The following SERPINB12 variants were observed in gnomAD, a reference collection of about 807,000 sequenced individuals.
SERPINB12 encodes serpin family B member 12.
SERPINB12 carries 57 observed loss-of-function variants against 41.1 expected under a neutral mutation model. The observed-to-expected ratio is 1.39, with a 90% CI of 1.12 to 1.73. The LOEUF is 1.73. Ranked by LOEUF, SERPINB12 falls within the 40% of genes most tolerant of loss-of-function variation. The pLI is 0.00. For synonymous variants in SERPINB12, 180 were observed against 181.3 expected, an observed-to-expected ratio of 0.99 and a Z score of 0.06; for missense variants, 536 against 501.9, an observed-to-expected ratio of 1.07 and a Z score of -0.65.
At chr18:63,530,441 T>C in the SERPINB12 span, among the ~76,000 whole-genome samples, 1 of 152,290 alleles carries the variant, frequency 6.6e-6, no homozygotes, top group Non-Finnish European at 1.5e-5. Flanking sequence ...CCCCCCAAAC[T>C]TCCATATCTC....
chr18:63,549,878 C>T (rs1179391774), intron 1 of SERPINB12, among the ~76,000 whole-genome samples: 1 of 152,198 alleles, frequency 6.6e-6, no homozygotes, highest in Non-Finnish European at 1.5e-5. Flanking sequence ...GTGTTATCTG[C>T]TCCAGAGGGT....
chr18:63,561,466 T>C (rs1910908964), intron 5 of SERPINB12, among the ~76,000 whole-genome samples: 1 of 152,318 alleles, frequency 6.6e-6, no homozygotes, highest in African/African-American at 2.4e-5. Flanking sequence ...AAATTAGCCA[T>C]TGTGGAAAGT....
upstream of SERPINB12, among the ~76,000 whole-genome samples, chr18:63,538,221 C>T (rs902785692): frequency 3.9e-5 from 6 of 152,114 alleles, no homozygotes; most frequent in African/African-American, 7.2e-5. Flanking sequence ...CAATAAAATT[C>T]ACCCTTTTAA....
rs1305386499 is a variant in SERPINB12 at position 63,567,654 on chromosome 18, AATG to A, written c.*646_*648del. ...GCACTCATTTTGCACAGAGCAGGGG[AATG>A]ATATTTGTCTTGTGATTTTGACACT... On this transcript the variant is annotated 3_prime_UTR_variant, in exon 8 of 8. Coordinates refer to ENST00000382768, the MANE Select transcript of SERPINB12 (RefSeq NM_001307928.2). Among the ~76,000 whole-genome samples, 10 of 152,130 alleles carry A rather than the reference AATG, an allele frequency of 6.6e-5. No homozygotes were observed. Among genetic ancestry groups the A allele is most frequent in the African/African-American group, 2.4e-4 (10 of 41,444 alleles).
chr18:63,530,383 C>A, the SERPINB12 span, among the ~76,000 whole-genome samples: 1 of 152,158 alleles, frequency 6.6e-6, no homozygotes, highest in Non-Finnish European at 1.5e-5. Flanking sequence ...ACACTTGCAG[C>A]CATTTTTCTA....
At chr18:63,533,124 C>T in the SERPINB12 span, among the ~76,000 whole-genome samples, 1 of 151,982 alleles carries the variant, frequency 6.6e-6, no homozygotes, top group Non-Finnish European at 1.5e-5. Context: ...ATTACAGGCG[C>T]CCACCACCAT....
intron 2 of SERPINB12, among the ~76,000 whole-genome samples, chr18:63,557,096 A>T (rs890080214): frequency 1.3e-5 from 2 of 152,188 alleles, no homozygotes; most frequent in African/African-American, 2.4e-5. Flanking sequence ...AATCCCAGAT[A>T]AGCCCTGTGA....
At position 63,555,049 on chromosome 18, in the gene SERPINB12, A is replaced by G. The variant is rs550010370; in HGVS notation, c.-18-1093A>G. Among the ~76,000 whole-genome samples the G allele has an allele frequency of 2.6e-5, 4 of 152,284 alleles. No individual in the cohort carries two copies. In the South Asian group the frequency reaches 8.3e-4, roughly 32 times the overall value. ...ATTGTAAGTTTCCTGAGGCTTCCCC[A>G]GCCATGCGGAACTGTGAGTCAATTA... is the stretch of plus-strand genomic sequence containing the variant. On this transcript the variant is annotated intron_variant, in intron 1 of 7. Coordinates refer to ENST00000382768, the MANE Select transcript of SERPINB12 (RefSeq NM_001307928.2).
the SERPINB12 span, among the ~76,000 whole-genome samples, chr18:63,521,947 C>T: frequency 2.0e-5 from 3 of 152,184 alleles, no homozygotes; most frequent in Non-Finnish European, 4.4e-5. Context: ...GTTCAGTCTA[C>T]AGGTAGATAA....
upstream of SERPINB12, among the ~76,000 whole-genome samples, chr18:63,539,656 G>A (rs1315471237): frequency 1.3e-5 from 2 of 151,924 alleles, no homozygotes; most frequent in African/African-American, 4.8e-5. Context: ...TTTTTTGTGG[G>A]CACGTACACC....
At chr18:63,563,496 T>C (rs1297918125) in intron 5 of SERPINB12, among the ~76,000 whole-genome samples, 1 of 152,182 alleles carries the variant, frequency 6.6e-6, no homozygotes, top group African/African-American at 2.4e-5. Flanking sequence ...GTTTCTCCCC[T>C]GCCCCATCAC....
chr18:63,523,496 G>A, the SERPINB12 span, among the ~76,000 whole-genome samples: 1 of 152,184 alleles, frequency 6.6e-6, no homozygotes, highest in Admixed American at 6.5e-5. Flanking sequence ...ATTCAGTCAA[G>A]CACAGGAAGA....
Position 63,544,756 on chromosome 18 carries a change from T to A in SERPINB12, c.-19+2264T>A, listed in dbSNP as rs1338808106. On this transcript the variant is annotated intron_variant, in intron 1 of 7. Transcript: ENST00000382768. ...GTTTTAGTCTTTATTGTTGTTTTAA[T>A]AGATTTTTTCCTCTTTTTATGTGTT... Among the ~76,000 whole-genome samples the A allele has an allele frequency of 2.6e-5, 4 of 152,208 alleles. No individual in the cohort carries two copies. In the East Asian group the frequency reaches 7.7e-4, roughly 29 times the overall value.
At chr18:63,550,012 G>T (rs1910484028) in intron 1 of SERPINB12, among the ~76,000 whole-genome samples, 1 of 152,060 alleles carries the variant, frequency 6.6e-6, no homozygotes. Flanking sequence ...AGGATTTTTT[G>T]AAAAATAGAG....
chr18:63,565,937 C>T (rs1911085349), intron 7 of SERPINB12, among the ~76,000 whole-genome samples: 2 of 152,060 alleles, frequency 1.3e-5, no homozygotes, highest in African/African-American at 2.4e-5. Flanking sequence ...GACTTCTGGC[C>T]TCTTACTCAT....
At chr18:63,538,073 A>G (rs1910208625), upstream of SERPINB12, among the ~76,000 whole-genome samples, 2 of 152,182 alleles carry the variant, frequency 1.3e-5, no homozygotes, top group Non-Finnish European at 2.9e-5. Flanking sequence ...ACTGAGTGTA[A>G]AAATAACATG....
intron 6 of SERPINB12, among the ~76,000 whole-genome samples, chr18:63,565,199 G>A (rs1911052393): frequency 6.6e-6 from 1 of 151,964 alleles, no homozygotes; most frequent in African/African-American, 2.4e-5. Context: ...AAACAAAAAA[G>A]CAAACACCTG....
At chr18:63,559,777 G>A in intron 4 of SERPINB12, 59 bp downstream of exon 4, 1 of 1,571,484 alleles carries the variant, frequency 6.4e-7, no homozygotes, top group Non-Finnish European at 8.7e-7. Context: ...TAAAAATCAG[G>A]GAGTAGCTGG....
At chr18:63,530,758 TA>T in the SERPINB12 span, among the ~76,000 whole-genome samples, 1 of 152,144 alleles carries the variant, frequency 6.6e-6, no homozygotes, top group African/African-American at 2.4e-5. Context: ...GATAAGTACA[TA>T]ATTAAGTGAA....
Sources: allele counts gnomAD v4.1 joint callset (sites outside exome capture counted in the v4.1 genomes callset), GRCh38; gene constraint gnomAD v4.1.1; transcripts MANE v1.5; gene names NCBI Gene and HGNC (gene_info 2026-07-23, HGNC 2026-07-21).